Variants in EBF3 observed in about 807,000 individuals in gnomAD.
EBF3 encodes the protein EBF transcription factor 3, also known as transcription factor COE3.
A neutral mutation model predicts 77.1 loss-of-function variants in EBF3; 18 were observed. That is an observed-to-expected ratio of 0.23 (90% CI 0.16 to 0.35). The LOEUF is 0.35. Among genes scored for constraint, EBF3 ranks in the 10% least tolerant of loss-of-function variants. EBF3 has a pLI of 1.00. For missense variants in EBF3, 558 were observed against 860.0 expected, an observed-to-expected ratio of 0.65 and a Z score of 4.39; for synonymous variants, 350 against 343.5, an observed-to-expected ratio of 1.02 and a Z score of -0.21.
At position 129,913,430 on chromosome 10, in the gene EBF3, C is replaced by T. The variant is rs192631475; in HGVS notation, c.555-35581G>A. On this transcript the variant is annotated intron_variant, in intron 6 of 16. Coordinates refer to ENST00000440978, the MANE Select transcript of EBF3 (RefSeq NM_001375380.1). ...TGGCAGGAGCATGCAACTCCAGCAG[C>T]ATCCTCTTCTTTTCTTGGATGAATA... 3.0e-3 allele frequency among the ~76,000 whole-genome samples: 451 copies of T among 152,364 alleles called. 1 individual carries two copies. Among genetic ancestry groups the T allele is most frequent in the Non-Finnish European group, 5.6e-3 (383 of 68,034 alleles).
At chr10:129,891,795 A>G (rs1354346612) in intron 6 of EBF3, among the ~76,000 whole-genome samples, 1 of 152,212 alleles carries the variant, frequency 6.6e-6, no homozygotes, top group African/African-American at 2.4e-5. Flanking sequence ...GGATAATTGG[A>G]GAGCATAAAC....
chr10:129,843,219 CAGG>C lies in EBF3; in HGVS notation c.1129-20_1129-18del. The C allele has an allele frequency of 6.2e-7, 1 of 1,604,696 alleles. No individual in the cohort carries two copies. Among genetic ancestry groups the C allele is most frequent in the Non-Finnish European group, 8.5e-7 (1 of 1,175,524 alleles). ...TAACACCTCCTAAAGGAAGAGCAGA[CAGG>C]AGGTGATTCATGGGAGGAACCGGCC... On this transcript the variant is annotated intron_variant, in intron 11 of 16. Coordinates refer to ENST00000440978, the MANE Select transcript of EBF3 (RefSeq NM_001375380.1).
intron 6 of EBF3, among the ~76,000 whole-genome samples, chr10:129,954,334 T>C (rs1270972445): frequency 1.3e-5 from 2 of 152,218 alleles, no homozygotes; most frequent in African/African-American, 4.8e-5. Context: ...AGCAATGTTT[T>C]ATGAGAAAGA....
chr10:129,907,613 C>G (rs997911401), intron 6 of EBF3, among the ~76,000 whole-genome samples: 4 of 152,038 alleles, frequency 2.6e-5, no homozygotes, highest in African/African-American at 9.7e-5. Flanking sequence ...GAAATACAGC[C>G]AATTAAGGTT....
chr10:129,943,572 G>A lies in EBF3; in HGVS notation c.554+13686C>T, dbSNP rs1173191896. ...TGGATGCTAGGGATGAGCCTCAAGT[G>A]GTTGCCAGGAGTCGCCAGCCGGGCT... On this transcript the variant is annotated intron_variant, in intron 6 of 16. Coordinates refer to ENST00000440978, the MANE Select transcript of EBF3 (RefSeq NM_001375380.1). This position sits in a 1 kb window ranked among gnomAD's most constrained non-coding sequence, Gnocchi z 8.8. 6.6e-6 allele frequency among the ~76,000 whole-genome samples: 1 copy of A among 152,198 alleles called. No individual in the cohort carries two copies. Among genetic ancestry groups the A allele is most frequent in the African/African-American group, 2.4e-5 (1 of 41,454 alleles).
rs1426572205 is a variant in EBF3 at position 129,848,531 on chromosome 10, C to T, written c.1040-51G>A. ...TCAGGTTAATTACTTTTATGTCATC[C>T]ATTACTCGTTTATTGCACACTTACA... On this transcript the variant is annotated intron_variant, in intron 10 of 16. Coordinates refer to ENST00000440978, the MANE Select transcript of EBF3 (RefSeq NM_001375380.1). The surrounding 1 kb of genome is among the most constrained non-coding windows in gnomAD (Gnocchi z 4.4). The T allele has an allele frequency of 1.3e-6, 2 of 1,583,612 alleles. No individual in the cohort carries two copies. The highest frequency in any genetic ancestry group is 1.7e-5 in the Admixed American group (1 of 59,978).
At chr10:129,888,570 G>A (rs1034217190) in intron 6 of EBF3, among the ~76,000 whole-genome samples, 35 of 152,206 alleles carry the variant, frequency 2.3e-4, no homozygotes, top group Admixed American at 5.9e-4. Context: ...CCACGACATC[G>A]GCGCAGCACA....
At chr10:129,878,839 A>AAAAAAAAAAAAAG (rs1564849972) in intron 6 of EBF3, among the ~76,000 whole-genome samples, 1 of 146,836 alleles carries the variant, frequency 6.8e-6, no homozygotes. Flanking sequence ...AAAAAAAAAA[A>AAAAAAAAAAAAAG]AAAAAAATCT....
chr10:129,929,425 C>G (rs1856865645), intron 6 of EBF3, among the ~76,000 whole-genome samples: 1 of 152,072 alleles, frequency 6.6e-6, no homozygotes, highest in African/African-American at 2.4e-5. Flanking sequence ...AGGTTGGTTT[C>G]AAACTCCTGA....
rs58809762 is a variant in EBF3, at chr10:129,911,361, G to A, written c.555-33512C>T. On this transcript the variant is annotated intron_variant, in intron 6 of 16. Coordinates refer to ENST00000440978, the MANE Select transcript of EBF3 (RefSeq NM_001375380.1). ...AGCCCAAGCCTTGGCTTAGAGGACC[G>A]TCCTCAGTTTACCCAACAGGCCCTT... Among the ~76,000 whole-genome samples, 561 of 152,304 alleles carry A rather than the reference G, an allele frequency of 3.7e-3. 7 individuals are homozygous for A. The highest frequency in any genetic ancestry group is 0.013 in the African/African-American group (527 of 41,568).
At chr10:129,898,065 T>C (rs565542538) in intron 6 of EBF3, among the ~76,000 whole-genome samples, 18 of 152,262 alleles carry the variant, frequency 1.2e-4, no homozygotes, top group Non-Finnish European at 1.8e-4. Context: ...GCGCTCCTGT[T>C]GGGCTCCCAG....
rs571341099 is a variant in EBF3 at position 129,944,072 on chromosome 10, T to C, written c.554+13186A>G. ...ATGTTTTAATCCATTTTTTACACCG[T>C]GGGAAAAGAAAAATATCACCGTTCT... On this transcript the variant is annotated intron_variant, in intron 6 of 16. Coordinates refer to ENST00000440978, the MANE Select transcript of EBF3 (RefSeq NM_001375380.1). This position sits in a 1 kb window ranked among gnomAD's most constrained non-coding sequence, Gnocchi z 5.1. 6.6e-6 allele frequency among the ~76,000 whole-genome samples: 1 copy of C among 152,342 alleles called. No homozygotes were observed. The highest frequency in any genetic ancestry group is 1.9e-4 in the East Asian group (1 of 5,188).
chr10:129,921,250 ACGG>A (rs910742679), intron 6 of EBF3, among the ~76,000 whole-genome samples: 11 of 152,110 alleles, frequency 7.2e-5, no homozygotes, highest in African/African-American at 2.2e-4. Context: ...GGCACGACTG[ACGG>A]CGGGGGTGGT....
At chr10:129,890,543 C>A (rs562986399) in intron 6 of EBF3, among the ~76,000 whole-genome samples, 2 of 152,356 alleles carry the variant, frequency 1.3e-5, no homozygotes, top group African/African-American at 4.8e-5. Context: ...ATTAGTTTAA[C>A]TCGATCAGCT....
In EBF3 at chr10:129,837,064, T is replaced by TAGGGAAGAAGGATCTAGAAGTCAAA; in HGVS notation, c.*854_*878dup. ...TTTTATAACCACATACAAAACACAT[T>TAGGGAAGAAGGATCTAGAAGTCAAA]AGGGAAGAAGGATCTAGAAGTCAAA... is the stretch of plus-strand genomic sequence containing the variant. On this transcript the variant is annotated 3_prime_UTR_variant, in exon 17 of 17. Transcript: ENST00000440978. 1 of 152,550 alleles carries TAGGGAAGAAGGATCTAGAAGTCAAA rather than the reference T, an allele frequency of 6.6e-6. No homozygotes were observed. The highest frequency in any genetic ancestry group is 6.5e-5 in the Admixed American group (1 of 15,274). The allele number at this position is 152,550 out of a possible 1,614,324, so 9.4% of individuals were successfully genotyped here.
chr10:129,854,686 A>G (rs1851124551), intron 10 of EBF3, among the ~76,000 whole-genome samples: 1 of 152,230 alleles, frequency 6.6e-6, no homozygotes, highest in African/African-American at 2.4e-5. Flanking sequence ...AATAGTGGCT[A>G]AATTATTGCT....
rs139306923 is a variant in EBF3 at position 129,953,173 on chromosome 10, G to T, written c.554+4085C>A. Among the ~76,000 whole-genome samples, 400 of 151,800 alleles carry T rather than the reference G, an allele frequency of 2.6e-3. 1 individual carries two copies. Among genetic ancestry groups the T allele is most frequent in the Non-Finnish European group, 4.7e-3 (318 of 67,936 alleles). On this transcript the variant is annotated intron_variant, in intron 6 of 16. Coordinates refer to ENST00000440978, the MANE Select transcript of EBF3 (RefSeq NM_001375380.1). ...AAACGCACATATGAATCAAAGTATG[G>T]CTGTGCAGGGTAGGGGGGGCGCAGA... is the stretch of plus-strand genomic sequence containing the variant.
intron 5 of EBF3, among the ~76,000 whole-genome samples, chr10:129,958,065 T>C (rs1859174108): frequency 6.6e-6 from 1 of 152,242 alleles, no homozygotes. Flanking sequence ...CTATGTTAAT[T>C]GCAGTACATG....
intron 6 of EBF3, among the ~76,000 whole-genome samples, chr10:129,895,508 A>G (rs1854309466): frequency 6.6e-6 from 1 of 152,210 alleles, no homozygotes; most frequent in South Asian, 2.1e-4. Context: ...TGGGTAAGGC[A>G]TTTCCATTCC....
Sources: allele counts gnomAD v4.1 joint callset (sites outside exome capture counted in the v4.1 genomes callset), GRCh38; gene constraint gnomAD v4.1.1; non-coding constraint Gnocchi (gnomAD v3.1); transcripts MANE v1.5; gene names NCBI Gene and HGNC (gene_info 2026-07-23, HGNC 2026-07-21).